The following MB21D2 variants were observed in gnomAD, a reference collection of about 807,000 sequenced individuals.
The protein encoded by MB21D2 is nucleotidyltransferase MB21D2.
MB21D2 carries 9 observed loss-of-function variants against 33.3 expected under a neutral mutation model. That is an observed-to-expected ratio of 0.27 (90% CI 0.16 to 0.47). MB21D2 has a LOEUF of 0.47. MB21D2 is among the 20% of genes least tolerant of loss of function. The pLI, the probability that MB21D2 is intolerant of heterozygous loss-of-function variation, is 0.99. For synonymous variants in MB21D2, 241 were observed against 236.3 expected (o/e 1.02, Z -0.18); for missense variants, 540 against 624.6 (o/e 0.86, Z 1.44).
At chr3:192,837,450 C>T (rs1353662865) in intron 1 of MB21D2, among the ~76,000 whole-genome samples, 5 of 152,178 alleles carry the variant, frequency 3.3e-5, no homozygotes, top group African/African-American at 7.2e-5. Flanking sequence ...AAGCACAAGA[C>T]GCAGCTCAAG....
At chr3:192,849,316 T>TGGGGGGGGGG (rs66792694) in intron 1 of MB21D2, among the ~76,000 whole-genome samples, 1 of 92,200 alleles carries the variant, frequency 1.1e-5, no homozygotes, top group Admixed American at 1.3e-4. Flanking sequence ...TCTCTTTTTT[T>TGGGGGGGGGG]GGGGGGGGGG....
intron 1 of MB21D2, among the ~76,000 whole-genome samples, chr3:192,894,645 T>C (rs1713925902): frequency 1.3e-5 from 2 of 152,302 alleles, no homozygotes; most frequent in South Asian, 4.1e-4. Flanking sequence ...AGTGTCATTT[T>C]TTTTTCTGAG....
chr3:192,872,866 G>T (rs12696660), intron 1 of MB21D2, among the ~76,000 whole-genome samples: 1 of 151,916 alleles, frequency 6.6e-6, no homozygotes, highest in Non-Finnish European at 1.5e-5. Context: ...ACACATTAGG[G>T]GTGCCATTAG....
At chr3:192,801,326 A>C (rs540624216) in intron 1 of MB21D2, among the ~76,000 whole-genome samples, 1 of 152,360 alleles carries the variant, frequency 6.6e-6, no homozygotes, top group East Asian at 1.9e-4. Context: ...CCAAAGATCA[A>C]GACCTACCAC....
Position 192,917,637 on chromosome 3 carries a change from G to A in MB21D2, c.204C>T (p.Ser68=). Residue 68 remains serine (S), a synonymous_variant, in exon 1 of 2, where the codon TCC becomes TCT. Transcript: ENST00000392452. ...EIHTAKDFIF[S]MLGMVQKLDQ... ...CCCCTTTTTCCTCCTTACCCAGCAT[G>A]GAAAAGATGAAATCCTTGGCTGTGT... 2 of 1,614,038 alleles carry A rather than the reference G, an allele frequency of 1.2e-6. No homozygotes were observed. Among genetic ancestry groups the A allele is most frequent in the Non-Finnish European group, 1.7e-6 (2 of 1,179,976 alleles).
intron 1 of MB21D2, among the ~76,000 whole-genome samples, chr3:192,869,923 T>C (rs1035541930): frequency 1.3e-5 from 2 of 152,172 alleles, no homozygotes; most frequent in Non-Finnish European, 2.9e-5. Context: ...TTAAATTATA[T>C]TACAGCCATG....
intron 1 of MB21D2, among the ~76,000 whole-genome samples, chr3:192,881,492 C>A (rs113830853): frequency 0.012 from 1,824 of 152,190 alleles, 57 homozygotes; most frequent in African/African-American, 0.042. Context: ...ATTTAACTGA[C>A]ACACACACAA....
intron 1 of MB21D2, among the ~76,000 whole-genome samples, chr3:192,900,017 G>C (rs917321584): frequency 3.9e-5 from 6 of 152,116 alleles, no homozygotes; most frequent in African/African-American, 1.4e-4. Context: ...AGGCACAGTG[G>C]CTCACGCCTG....
At chr3:192,862,418 A>G (rs1265496667) in intron 1 of MB21D2, among the ~76,000 whole-genome samples, 1 of 152,230 alleles carries the variant, frequency 6.6e-6, no homozygotes. Flanking sequence ...TTTGGGTTCA[A>G]TAATAATAAT....
intron 1 of MB21D2, among the ~76,000 whole-genome samples, chr3:192,837,383 C>T (rs1484442560): frequency 6.6e-6 from 1 of 152,160 alleles, no homozygotes; most frequent in Non-Finnish European, 1.5e-5. Context: ...GGCTCCTGGT[C>T]ACACTCAAGG....
chr3:192,904,852 C>T (rs10937559), intron 1 of MB21D2, among the ~76,000 whole-genome samples: 58,596 of 152,134 alleles, frequency 0.39, 13,876 homozygotes, highest in Non-Finnish European at 0.52. Flanking sequence ...GAGCCACCCA[C>T]CACACTCATC....
intron 1 of MB21D2, among the ~76,000 whole-genome samples, chr3:192,845,822 T>C (rs540741042): frequency 2.0e-5 from 3 of 152,318 alleles, no homozygotes; most frequent in Non-Finnish European, 4.4e-5. Context: ...CTCATGCCTA[T>C]AGTCCCTGCA....
intron 1 of MB21D2, among the ~76,000 whole-genome samples, chr3:192,845,046 C>G (rs1424093612): frequency 1.3e-5 from 2 of 152,192 alleles, no homozygotes; most frequent in Admixed American, 6.5e-5. Context: ...TCTCTACTCA[C>G]TATAGATTTG....
At chr3:192,896,395 T>C (rs1713974128) in intron 1 of MB21D2, among the ~76,000 whole-genome samples, 1 of 152,206 alleles carries the variant, frequency 6.6e-6, no homozygotes, top group South Asian at 2.1e-4. Context: ...ATGAGGTCTT[T>C]CTATGTTGTC....
At chr3:192,912,155 G>A (rs1486671796) in intron 1 of MB21D2, among the ~76,000 whole-genome samples, 4 of 152,212 alleles carry the variant, frequency 2.6e-5, no homozygotes, top group Non-Finnish European at 4.4e-5. Context: ...GGCCTGAAAG[G>A]AGAAACAGCC....
intron 1 of MB21D2, among the ~76,000 whole-genome samples, chr3:192,838,045 G>A (rs1202957972): frequency 2.0e-5 from 3 of 152,224 alleles, no homozygotes; most frequent in Non-Finnish European, 2.9e-5. Flanking sequence ...TCCTGCACAG[G>A]CTCTCTCATG....
rs532255830 is a variant in MB21D2 at position 192,917,794 on chromosome 3, C to G, written c.47G>C (p.Cys16Ser). ...PTANKAASLGCNNKPAFPELD... is the reference protein window; with the variant it reads ...PTANKAASLGSNNKPAFPELD... ...CTCCGGGAACGCAGGCTTGTTGTTA[C>G]AGCCCAGGGAGGCTGCCTTGTTGGC... Residue 16 changes from cysteine to serine, a missense_variant, in exon 1 of 2, where the codon TGT becomes TCT. Transcript: ENST00000392452. 59 of 1,613,410 alleles carry G rather than the reference C, an allele frequency of 3.7e-5. No homozygotes were observed. The South Asian group carries it at 6.4e-4, about 17-fold the overall frequency.
chr3:192,856,508 G>A (rs1291303325), intron 1 of MB21D2, among the ~76,000 whole-genome samples: 1 of 152,150 alleles, frequency 6.6e-6, no homozygotes, highest in Non-Finnish European at 1.5e-5. Context: ...ACCTGGCATT[G>A]CCCTTGCGTG....
intron 1 of MB21D2, among the ~76,000 whole-genome samples, chr3:192,855,264 A>C (rs976183022): frequency 1.3e-5 from 2 of 151,964 alleles, no homozygotes; most frequent in Non-Finnish European, 2.9e-5. Flanking sequence ...GCGCCTGGCT[A>C]ATTTTTGTAT....
Sources: gnomAD v4.1 joint callset for allele counts (sites outside exome capture counted in the v4.1 genomes callset) on GRCh38, gnomAD v4.1.1 for gene constraint, MANE v1.5 for transcripts, NCBI Gene and HGNC (gene_info 2026-07-23, HGNC 2026-07-21) for gene names.